Variants in NCAM1 observed in about 807,000 individuals in gnomAD.
NCAM1 encodes the protein neural cell adhesion molecule 1, also known as antigen recognized by monoclonal antibody 5.1H11.
NCAM1 carries 14 observed loss-of-function variants against 109.8 expected under a neutral mutation model. That is an observed-to-expected ratio of 0.13 (90% CI 0.08 to 0.20). The LOEUF (loss-of-function observed/expected upper bound fraction) is 0.20, where lower values mean the gene tolerates loss of function less well. Among genes scored for constraint, NCAM1 ranks in the 10% least tolerant of loss-of-function variants. The probability of loss-of-function intolerance (pLI) is 1.00; values close to 1 mark genes in which losing one functional copy is unlikely to be tolerated. For synonymous variants in NCAM1, 418 were observed against 442.9 expected (o/e 0.94, Z 0.70); for missense variants, 774 against 1,109.9 (o/e 0.70, Z 4.30).
At chr11:113,069,558 T>C (rs1938161157) in intron 1 of NCAM1, among the ~76,000 whole-genome samples, 1 of 152,210 alleles carries the variant, frequency 6.6e-6, no homozygotes, top group East Asian at 1.9e-4. Context: ...GATGAACCAT[T>C]CAGGTCTGGG....
chr11:113,066,430 A>G (rs781994742), intron 1 of NCAM1, among the ~76,000 whole-genome samples: 3 of 152,164 alleles, frequency 2.0e-5, no homozygotes, highest in Non-Finnish European at 4.4e-5. Flanking sequence ...TCTCTATTGC[A>G]TCCATCCAGG....
intron 1 of NCAM1, among the ~76,000 whole-genome samples, chr11:112,972,284 A>G (rs11214440): frequency 0.13 from 19,296 of 152,132 alleles, 1,712 homozygotes; most frequent in South Asian, 0.4. Context: ...AGTAATCTAT[A>G]TTTTTATATG....
chr11:113,023,924 GAA>G (rs566002817), intron 1 of NCAM1, among the ~76,000 whole-genome samples: 22 of 150,638 alleles, frequency 1.5e-4, no homozygotes, highest in East Asian at 1.2e-3. Flanking sequence ...AAAAAAAAAG[GAA>G]AAAAAAATGG....
At chr11:112,979,230 A>AAAC (rs1462320840) in intron 1 of NCAM1, among the ~76,000 whole-genome samples, 1 of 150,766 alleles carries the variant, frequency 6.6e-6, no homozygotes, top group East Asian at 1.9e-4. Context: ...ACAAAAAAGA[A>AAAC]AAAAAAACAA....
At chr11:113,259,955 C>T (rs1354416015) in intron 16 of NCAM1, 191 bp from the exon 17 acceptor site, 8 of 493,530 alleles carry the variant, frequency 1.6e-5, no homozygotes, top group African/African-American at 6.0e-5. Flanking sequence ...CCACCCGCCT[C>T]GGCCTCCCAA....
chr11:112,976,243 G>T (rs535145951), intron 1 of NCAM1, among the ~76,000 whole-genome samples: 2 of 151,960 alleles, frequency 1.3e-5, no homozygotes, highest in South Asian at 4.1e-4. Flanking sequence ...TGATAAGTGA[G>T]TATAAAAATA....
intron 1 of NCAM1, among the ~76,000 whole-genome samples, chr11:113,016,488 G>A (rs968477891): frequency 4.6e-5 from 7 of 152,172 alleles, no homozygotes; most frequent in Non-Finnish European, 1.0e-4. Context: ...TCACCATCCA[G>A]CCTTTAGGGT....
chr11:113,224,644 G>T (rs183721336), intron 9 of NCAM1, among the ~76,000 whole-genome samples: 1 of 152,294 alleles, frequency 6.6e-6, no homozygotes, highest in African/African-American at 2.4e-5. Context: ...CCTCAAGTGG[G>T]TCCCTGACCC....
At chr11:113,255,151 A>T (rs1945800949) in intron 15 of NCAM1, among the ~76,000 whole-genome samples, 1 of 152,196 alleles carries the variant, frequency 6.6e-6, no homozygotes, top group South Asian at 2.1e-4. Flanking sequence ...ACTGATTGTT[A>T]CTTTAACACA....
chr11:113,248,372 C>T (rs377613464), intron 15 of NCAM1, among the ~76,000 whole-genome samples: 3 of 152,066 alleles, frequency 2.0e-5, no homozygotes, highest in Admixed American at 6.5e-5. Flanking sequence ...AGGTGAGCCC[C>T]GCACGCAGCA....
In NCAM1 at chr11:113,045,468, A is replaced by G. The variant is rs1953232424; in HGVS notation, c.52+83804A>G. The stretch of plus-strand genomic sequence containing the variant: ...GACATCTTGGCGCCCTGGGAGAGGC[A>G]ATTCCCTTCCCACTTTACTCCCTAA... On this transcript the variant is annotated intron_variant, in intron 1 of 19. Coordinates refer to ENST00000316851, the MANE Select transcript of NCAM1 (RefSeq NM_181351.5). Among the ~76,000 whole-genome samples, 3 of 152,120 alleles carry G rather than the reference A, an allele frequency of 2.0e-5. No individual in the cohort carries two copies. In the South Asian group the frequency reaches 6.2e-4, roughly 32 times the overall value.
At chr11:113,224,431 C>T (rs1227878137) in intron 9 of NCAM1, among the ~76,000 whole-genome samples, 1 of 152,226 alleles carries the variant, frequency 6.6e-6, no homozygotes, top group Admixed American at 6.5e-5. Flanking sequence ...ACAAAGCAGC[C>T]AGGAAGCTCG....
At chr11:112,981,524 G>A (rs1199646855) in intron 1 of NCAM1, among the ~76,000 whole-genome samples, 1 of 151,714 alleles carries the variant, frequency 6.6e-6, no homozygotes, top group Non-Finnish European at 1.5e-5. Context: ...TGGTATCTAT[G>A]GGATACCATA....
At chr11:113,067,577 C>T (rs1445417617) in intron 1 of NCAM1, among the ~76,000 whole-genome samples, 1 of 152,212 alleles carries the variant, frequency 6.6e-6, no homozygotes, top group Non-Finnish European at 1.5e-5. Flanking sequence ...TTGTCACCAT[C>T]GTTATGTCAC....
chr11:113,125,724 C>G (rs1464967016), intron 1 of NCAM1, among the ~76,000 whole-genome samples: 1 of 152,160 alleles, frequency 6.6e-6, no homozygotes, highest in Non-Finnish European at 1.5e-5. Flanking sequence ...TCCAGGCCAC[C>G]CTTTGGAATT....
At chr11:113,007,865 T>A (rs1039459640) in intron 1 of NCAM1, among the ~76,000 whole-genome samples, 1 of 152,228 alleles carries the variant, frequency 6.6e-6, no homozygotes, top group Admixed American at 6.5e-5. Context: ...GGATTCTGAA[T>A]GTGAAGAAGG....
intron 9 of NCAM1, among the ~76,000 whole-genome samples, chr11:113,224,963 T>G (rs1944798727): frequency 6.6e-6 from 1 of 152,078 alleles, no homozygotes; most frequent in Non-Finnish European, 1.5e-5. Flanking sequence ...CAAAGGTAGA[T>G]AAAACCACAA....
At position 113,155,616 on chromosome 11, in the gene NCAM1, C is replaced by T. The variant is rs997163037; in HGVS notation, c.53-46763C>T. ...GTGATAGCCATAGGAAATTGAGGAG[C>T]TTTGAGGCTGCTCCTGCACCCTCCA... On this transcript the variant is annotated intron_variant, in intron 1 of 19. Transcript: ENST00000316851. 6.6e-5 allele frequency among the ~76,000 whole-genome samples: 10 copies of T among 152,198 alleles called. No individual in the cohort carries two copies. In the East Asian group the frequency reaches 1.7e-3, roughly 26 times the overall value.
At chr11:113,010,402 T>C (rs782346768) in intron 1 of NCAM1, among the ~76,000 whole-genome samples, 5 of 152,220 alleles carry the variant, frequency 3.3e-5, no homozygotes, top group Non-Finnish European at 7.3e-5. Context: ...TAGTGAGGCT[T>C]GATTTTAATT....
Sources: gnomAD v4.1 joint callset for allele counts (sites outside exome capture counted in the v4.1 genomes callset) on GRCh38, gnomAD v4.1.1 for gene constraint, MANE v1.5 for transcripts, NCBI Gene and HGNC (gene_info 2026-07-23, HGNC 2026-07-21) for gene names.